Variants in STPG2 observed in about 807,000 individuals in gnomAD.
STPG2 encodes the protein sperm-tail PG-rich repeat-containing protein 2.
STPG2 carries 56 observed loss-of-function variants against 54.2 expected under a neutral mutation model. The observed-to-expected ratio is 1.03, with a 90% CI of 0.83 to 1.29. The LOEUF is 1.29. STPG2 is among the 50% of genes most tolerant of loss of function. The pLI is 0.00. For synonymous variants in STPG2, 200 were observed against 181.8 expected (o/e 1.10, Z -0.81); for missense variants, 596 against 544.9 (o/e 1.09, Z -0.93).
intron 9 of STPG2, among the ~76,000 whole-genome samples, chr4:97,807,966 TCTC>T (rs1727622557): frequency 6.6e-6 from 1 of 151,956 alleles, no homozygotes; most frequent in African/African-American, 2.4e-5. Flanking sequence ...GTTTTTGAAT[TCTC>T]CACAGAAACA....
At chr4:98,071,222 T>C (rs1207932758) in intron 5 of STPG2, among the ~76,000 whole-genome samples, 1 of 152,074 alleles carries the variant, frequency 6.6e-6, no homozygotes, top group Non-Finnish European at 1.5e-5. Context: ...AACAGACTCA[T>C]AGACAAATGA....
rs1003731205 is a variant in STPG2, at chr4:97,699,482, A to G, written c.1320+13217T>C. Among the ~76,000 whole-genome samples the G allele has an allele frequency of 3.0e-4, 45 of 152,172 alleles. 1 individual carries two copies. Among genetic ancestry groups the G allele is most frequent in the Non-Finnish European group, 4.9e-4 (33 of 68,028 alleles). On this transcript the variant is annotated intron_variant, in intron 10 of 10. Transcript: ENST00000295268. Reference sequence around the variant, plus strand: ...CTCTTCCATAAATTTCTTTATCACCAATTTTCTTATGCTTCTTCCAAGTCC... The same window carrying G: ...CTCTTCCATAAATTTCTTTATCACCGATTTTCTTATGCTTCTTCCAAGTCC...
At chr4:98,056,737 T>G (rs1474772358) in intron 5 of STPG2, among the ~76,000 whole-genome samples, 4 of 152,072 alleles carry the variant, frequency 2.6e-5, no homozygotes, top group African/African-American at 4.8e-5. Flanking sequence ...AGGGGCCTGG[T>G]AGGAGGTGGT....
chr4:97,485,266 C>T (rs1730325119), intron 4 of STPG2, among the ~76,000 whole-genome samples: 1 of 151,810 alleles, frequency 6.6e-6, no homozygotes, highest in Non-Finnish European at 1.5e-5. Flanking sequence ...GGAAGTCAAA[C>T]TGTCACTGTT....
intron 6 of STPG2, among the ~76,000 whole-genome samples, chr4:97,973,976 A>C (rs1258089795): frequency 1.3e-5 from 2 of 152,214 alleles, no homozygotes; most frequent in Non-Finnish European, 1.5e-5. Flanking sequence ...CCAGAATTGT[A>C]GATCCACTGA....
At chr4:98,023,316 T>C (rs1423879240) in intron 5 of STPG2, among the ~76,000 whole-genome samples, 3 of 152,158 alleles carry the variant, frequency 2.0e-5, no homozygotes, top group Non-Finnish European at 4.4e-5. Context: ...TCAGCAGCGG[T>C]GGCTGCAGAA....
chr4:97,958,611 C>G (rs1482345780), intron 7 of STPG2, among the ~76,000 whole-genome samples: 4 of 152,148 alleles, frequency 2.6e-5, no homozygotes, highest in Admixed American at 2.6e-4. Context: ...TCAGACAAAA[C>G]AAACTTTAAA....
At chr4:97,451,951 G>A (rs1288660380) in intron 4 of STPG2, among the ~76,000 whole-genome samples, 1 of 152,094 alleles carries the variant, frequency 6.6e-6, no homozygotes, top group East Asian at 1.9e-4. Flanking sequence ...CACCAGGGAG[G>A]TGCAGCCAGG....
intron 4 of STPG2, among the ~76,000 whole-genome samples, chr4:97,520,923 T>C (rs561040821): frequency 6.6e-5 from 10 of 151,992 alleles, no homozygotes; most frequent in Non-Finnish European, 1.2e-4. Flanking sequence ...AAAAGAAAAA[T>C]ATTAAAATTA....
intron 9 of STPG2, among the ~76,000 whole-genome samples, chr4:97,741,010 CAG>C (rs1455489813): frequency 6.6e-6 from 1 of 151,888 alleles, no homozygotes; most frequent in Non-Finnish European, 1.5e-5. Context: ...TGGTACCAAA[CAG>C]AGATATAGAT....
intron 9 of STPG2, among the ~76,000 whole-genome samples, chr4:97,806,631 C>G (rs1166961164): frequency 1.3e-5 from 2 of 151,990 alleles, no homozygotes; most frequent in Non-Finnish European, 2.9e-5. Context: ...GGAACTAGGT[C>G]GTGAGTGCAT....
At chr4:97,602,306 C>T (rs1304163018) in intron 10 of STPG2, among the ~76,000 whole-genome samples, 2 of 151,782 alleles carry the variant, frequency 1.3e-5, no homozygotes, top group South Asian at 4.1e-4. Context: ...TAAAATGCAT[C>T]TGATGACCTT....
In STPG2 at chr4:97,957,468, G is replaced by A. The variant is rs545282048; in HGVS notation, c.934-13461C>T. Reference sequence around the variant, plus strand: ...AACCTAAGAATAATTGAGAAAGAAGGGAAATCTAGAAGTTTGGAAAACATA... The same window carrying A: ...AACCTAAGAATAATTGAGAAAGAAGAGAAATCTAGAAGTTTGGAAAACATA... On this transcript the variant is annotated intron_variant, in intron 7 of 10. Transcript: ENST00000295268. Among the ~76,000 whole-genome samples the A allele has an allele frequency of 1.1e-4, 17 of 151,968 alleles. No homozygotes were observed. The South Asian group carries it at 3.5e-3, about 31-fold the overall frequency.
intron 10 of STPG2, among the ~76,000 whole-genome samples, chr4:97,621,827 A>G (rs925301700): frequency 6.6e-6 from 1 of 152,200 alleles, no homozygotes; most frequent in Non-Finnish European, 1.5e-5. Flanking sequence ...ACAACAAAAA[A>G]CGAAAGCTTC....
At position 98,023,875 on chromosome 4, in the gene STPG2, C is replaced by T. The variant is rs147889398; in HGVS notation, c.613-42557G>A. Among the ~76,000 whole-genome samples, 815 of 151,788 alleles carry T rather than the reference C, an allele frequency of 5.4e-3. 10 individuals are homozygous for T. Among genetic ancestry groups the T allele is most frequent in the African/African-American group, 0.018 (763 of 41,518 alleles). On this transcript the variant is annotated intron_variant, in intron 5 of 10. Coordinates refer to ENST00000295268, the MANE Select transcript of STPG2 (RefSeq NM_174952.3). ...CTCCTGGTGTGCCGTTTTTTAAGCC[C>T]GTTGGAAAAGCGCAGTATTAGGGTG...
chr4:97,725,289 C>T (rs1438543295), intron 9 of STPG2, among the ~76,000 whole-genome samples: 2 of 151,774 alleles, frequency 1.3e-5, no homozygotes, highest in Non-Finnish European at 2.9e-5. Flanking sequence ...GAGAATAGTA[C>T]CACTTTTTTT....
At chr4:97,955,273 G>A (rs1483912963) in intron 7 of STPG2, among the ~76,000 whole-genome samples, 1 of 149,178 alleles carries the variant, frequency 6.7e-6, no homozygotes, top group Non-Finnish European at 1.5e-5. Flanking sequence ...GGAGTGCAGT[G>A]GCACGATCTC....
chr4:97,445,068 A>G (rs1274453421), intron 4 of STPG2, among the ~76,000 whole-genome samples: 1 of 152,206 alleles, frequency 6.6e-6, no homozygotes, highest in Non-Finnish European at 1.5e-5. Context: ...TAATGATGAT[A>G]ATAATCTATT....
chr4:98,128,033 C>T (rs533989630), intron 3 of STPG2, among the ~76,000 whole-genome samples: 2 of 152,268 alleles, frequency 1.3e-5, no homozygotes, highest in East Asian at 3.9e-4. Context: ...TTCCCATTCT[C>T]CCTGGCAGTT....
Sources: allele counts gnomAD v4.1 joint callset (sites outside exome capture counted in the v4.1 genomes callset), GRCh38; gene constraint gnomAD v4.1.1; transcripts MANE v1.5; gene names NCBI Gene and HGNC (gene_info 2026-07-23, HGNC 2026-07-21).